The following PAK5 variants were observed in gnomAD, a reference collection of about 807,000 sequenced individuals.
The protein encoded by PAK5 is serine/threonine-protein kinase PAK 5.
In PAK5, 16 loss-of-function variants were observed where a neutral mutation model predicts 65.9. The observed-to-expected ratio is 0.24, with a 90% confidence interval of 0.16 to 0.37. PAK5 has a LOEUF of 0.37. Among genes scored for constraint, PAK5 ranks in the 10% least tolerant of loss-of-function variants. PAK5 has a pLI of 1.00. For synonymous variants in PAK5, 371 were observed against 354.9 expected (o/e 1.05, Z -0.51); for missense variants, 785 against 903.9 (o/e 0.87, Z 1.69).
chr20:9,653,220 T>G (rs1407500810), intron 2 of PAK5, among the ~76,000 whole-genome samples: 1 of 152,194 alleles, frequency 6.6e-6, no homozygotes, highest in Non-Finnish European at 1.5e-5. Context: ...AAATCATGGG[T>G]TTTAGAGTAA....
At chr20:9,754,065 C>T (rs2048605816) in intron 1 of PAK5, among the ~76,000 whole-genome samples, 1 of 152,136 alleles carries the variant, frequency 6.6e-6, no homozygotes, top group African/African-American at 2.4e-5. Context: ...CTTAAGACTC[C>T]AATCAATTCT....
At chr20:9,776,196 T>C (rs542804112) in intron 1 of PAK5, among the ~76,000 whole-genome samples, 16 of 152,318 alleles carry the variant, frequency 1.1e-4, no homozygotes, top group African/African-American at 3.6e-4. Flanking sequence ...CTGAGGCTCA[T>C]AGAAACTAAT....
At chr20:9,578,028 G>A (rs780757042) in intron 4 of PAK5, among the ~76,000 whole-genome samples, 7 of 152,130 alleles carry the variant, frequency 4.6e-5, no homozygotes, top group African/African-American at 9.7e-5. Flanking sequence ...TCACTTAGAC[G>A]AAAGTTCTGG....
At chr20:9,676,254 CAT>C (rs2047570610) in intron 2 of PAK5, among the ~76,000 whole-genome samples, 2 of 151,940 alleles carry the variant, frequency 1.3e-5, no homozygotes, top group Non-Finnish European at 2.9e-5. Context: ...CCTCCCACAA[CAT>C]GTGGGAATTA....
intron 3 of PAK5, among the ~76,000 whole-genome samples, chr20:9,627,270 C>A (rs979347881): frequency 2.0e-5 from 3 of 152,240 alleles, no homozygotes; most frequent in Non-Finnish European, 2.9e-5. Context: ...ATGCACCTCT[C>A]CTTAGTGTTG....
intron 3 of PAK5, among the ~76,000 whole-genome samples, chr20:9,612,637 C>T (rs2046583885): frequency 2.0e-5 from 3 of 152,064 alleles, no homozygotes; most frequent in South Asian, 2.1e-4. Context: ...AACTCCACCC[C>T]CCCGATCCAA....
At chr20:9,650,220 A>G (rs1173329696) in intron 2 of PAK5, among the ~76,000 whole-genome samples, 1 of 152,230 alleles carries the variant, frequency 6.6e-6, no homozygotes, top group Non-Finnish European at 1.5e-5. Flanking sequence ...CATGATAGAC[A>G]AGGGAGTGGT....
intron 2 of PAK5, among the ~76,000 whole-genome samples, chr20:9,679,567 C>T (rs1172162311): frequency 6.6e-6 from 1 of 152,092 alleles, no homozygotes; most frequent in East Asian, 1.9e-4. Flanking sequence ...ATATTGCTGA[C>T]ATTCAAAAGA....
intron 3 of PAK5, among the ~76,000 whole-genome samples, chr20:9,627,451 T>A (rs1013680556): frequency 6.6e-6 from 1 of 152,126 alleles, no homozygotes; most frequent in Non-Finnish European, 1.5e-5. Flanking sequence ...CTGCAAGTAG[T>A]CATTGCTCTG....
intron 3 of PAK5, among the ~76,000 whole-genome samples, chr20:9,615,930 C>T (rs2046648310): frequency 6.6e-6 from 1 of 152,082 alleles, no homozygotes; most frequent in Admixed American, 6.5e-5. Context: ...TGCATGCTGC[C>T]CCCACAGCAA....
At chr20:9,577,921 A>G (rs933136541) in intron 4 of PAK5, among the ~76,000 whole-genome samples, 1 of 152,176 alleles carries the variant, frequency 6.6e-6, no homozygotes, top group African/African-American at 2.4e-5. Context: ...GCCAGATTTC[A>G]GGGCAGGTCT....
chr20:9,622,065 C>A (rs2046777428), intron 3 of PAK5, among the ~76,000 whole-genome samples: 1 of 152,098 alleles, frequency 6.6e-6, no homozygotes, highest in Non-Finnish European at 1.5e-5. Flanking sequence ...TCTAGCAAGC[C>A]CAGCCTGAAA....
Position 9,822,220 on chromosome 20 carries a change from C to A in PAK5, c.-162+16542G>T, listed in dbSNP as rs373913317. 4.5e-4 allele frequency among the ~76,000 whole-genome samples: 65 copies of A among 145,986 alleles called. 1 individual carries two copies. The highest frequency in any genetic ancestry group is 1.5e-3 in the African/African-American group (59 of 38,974). On this transcript the variant is annotated intron_variant, in intron 1 of 9. Coordinates refer to ENST00000353224, the MANE Select transcript of PAK5 (RefSeq NM_177990.4). Reference sequence around the variant, plus strand: ...TGAAGGATTGCCTGAACCCAGGAGGCAGAGGTTGCAGTGAGCTGAGATCCT... The same window carrying A: ...TGAAGGATTGCCTGAACCCAGGAGGAAGAGGTTGCAGTGAGCTGAGATCCT...
chr20:9,627,628 T>G (rs868189679), intron 3 of PAK5, among the ~76,000 whole-genome samples: 21 of 152,244 alleles, frequency 1.4e-4, no homozygotes, highest in Middle Eastern at 3.4e-3. Context: ...TCTTTTCCTT[T>G]TCTTTTCTTT....
At chr20:9,607,847 A>G (rs969930326) in intron 3 of PAK5, among the ~76,000 whole-genome samples, 1 of 152,166 alleles carries the variant, frequency 6.6e-6, no homozygotes, top group African/African-American at 2.4e-5. Flanking sequence ...GAAAAGAAAA[A>G]AGAAAAGGAG....
intron 1 of PAK5, among the ~76,000 whole-genome samples, chr20:9,780,511 A>G (rs2048930368): frequency 6.6e-6 from 1 of 152,124 alleles, no homozygotes; most frequent in African/African-American, 2.4e-5. Context: ...CATCATCCCA[A>G]TAAGACTAGG....
chr20:9,635,906 T>G (rs1234559619), intron 3 of PAK5, among the ~76,000 whole-genome samples: 1 of 152,180 alleles, frequency 6.6e-6, no homozygotes, highest in African/African-American at 2.4e-5. Flanking sequence ...GCCCCAGCTC[T>G]CAGAATTGCT....
At chr20:9,728,170 T>C (rs1402563037) in intron 1 of PAK5, among the ~76,000 whole-genome samples, 5 of 152,156 alleles carry the variant, frequency 3.3e-5, no homozygotes, top group Admixed American at 3.3e-4. Flanking sequence ...GAGCTGCTTT[T>C]GCCCTTCCAT....
At chr20:9,546,166 A>G (rs2045341070) in intron 7 of PAK5, among the ~76,000 whole-genome samples, 1 of 152,188 alleles carries the variant, frequency 6.6e-6, no homozygotes, top group Admixed American at 6.5e-5. Flanking sequence ...CCAAACATAT[A>G]GCAAAGCTGA....
Sources: allele counts gnomAD v4.1 joint callset (sites outside exome capture counted in the v4.1 genomes callset), GRCh38; gene constraint gnomAD v4.1.1; transcripts MANE v1.5; gene names NCBI Gene and HGNC (gene_info 2026-07-23, HGNC 2026-07-21).